DAB1: variants seen among roughly 807,000 people sequenced by gnomAD.
DAB1 encodes DAB adaptor protein 1, also known as disabled homolog 1.
A neutral mutation model predicts 64.6 loss-of-function variants in DAB1; 15 were observed. That is an observed-to-expected ratio of 0.23 (90% CI 0.16 to 0.36). DAB1 has a LOEUF of 0.36. DAB1 is among the 10% of genes least tolerant of loss of function. The pLI, the probability that DAB1 is intolerant of heterozygous loss-of-function variation, is 1.00. For missense variants in DAB1, 596 were observed against 706.7 expected, an observed-to-expected ratio of 0.84 and a Z score of 1.78; for synonymous variants, 235 against 251.9, an observed-to-expected ratio of 0.93 and a Z score of 0.64.
chr1:57,136,579 G>C lies in DAB1; in HGVS notation c.270C>G (p.Ser90=). 6.5e-7 allele frequency: 1 copy of C among 1,545,574 alleles called. No individual in the cohort carries two copies. Among genetic ancestry groups the C allele is most frequent in the Non-Finnish European group, 8.8e-7 (1 of 1,132,012 alleles). Residue 90 remains serine, a synonymous_variant, in exon 4 of 15, where the codon TCC becomes TCG. Coordinates refer to ENST00000371236, the MANE Select transcript of DAB1 (RefSeq NM_001365792.1). ...EHKQKIFLTI[S]FGGIKIFDEK... ...CATCAAAGATTTTGATTCCTCCAAA[G>C]GAGATGGTTAAAAAGATTTTCTGTT...
At chr1:57,253,981 A>G (rs1037619470) in intron 2 of DAB1, among the ~76,000 whole-genome samples, 12 of 152,202 alleles carry the variant, frequency 7.9e-5, no homozygotes, top group African/African-American at 2.9e-4. Flanking sequence ...CAAATTGCCA[A>G]TTTATGCACA....
chr1:58,190,877 G>C (rs1420974736), intron 4 of DAB1, among the ~76,000 whole-genome samples: 1 of 152,222 alleles, frequency 6.6e-6, no homozygotes, highest in African/African-American at 2.4e-5. Flanking sequence ...TGTTCTAGCT[G>C]ATGAGACTGT....
chr1:58,221,456 C>T (rs188682446), intron 4 of DAB1, among the ~76,000 whole-genome samples: 238 of 152,312 alleles, frequency 1.6e-3, no homozygotes, highest in African/African-American at 5.4e-3. Flanking sequence ...CAGTCACTGG[C>T]ACATGCTTGC....
rs1230336121 is a variant in DAB1, at chr1:58,377,780, A to C, written n.258-34377T>G. Among the ~76,000 whole-genome samples, 7 of 138,444 alleles carry C rather than the reference A, an allele frequency of 5.1e-5. 3 individuals carry two copies. The highest frequency in any genetic ancestry group is 8.0e-5 in the Non-Finnish European group (5 of 62,216). 90.8% of individuals were successfully genotyped at this position (138,444 alleles called of 152,430 possible). On this transcript the variant is annotated intron_variant and non_coding_transcript_variant, in intron 3 of 20. Transcript: ENST00000485760. Reference sequence around the variant, plus strand: ...GATAATATCCTGCAGAGTGTTTTCCAACTTGGTTCCATTCTCCGCATCACT... The same window carrying C: ...GATAATATCCTGCAGAGTGTTTTCCCACTTGGTTCCATTCTCCGCATCACT...
intron 5 of DAB1, among the ~76,000 whole-genome samples, chr1:57,897,716 C>G (rs1267393392): frequency 6.6e-6 from 1 of 152,082 alleles, no homozygotes; most frequent in Non-Finnish European, 1.5e-5. Flanking sequence ...GTAGGCATTT[C>G]TCACTCCTTG....
At chr1:57,102,114 C>T (rs556535998) in intron 4 of DAB1, among the ~76,000 whole-genome samples, 4 of 152,256 alleles carry the variant, frequency 2.6e-5, no homozygotes, top group African/African-American at 9.6e-5. Context: ...CAATGCAGTG[C>T]GGTCTTTGGA....
chr1:58,110,322 A>G (rs980330196), intron 5 of DAB1, among the ~76,000 whole-genome samples: 2 of 152,250 alleles, frequency 1.3e-5, no homozygotes, highest in African/African-American at 4.8e-5. Flanking sequence ...TTTCAACTAA[A>G]AGTGTCTTCA....
At chr1:58,160,650 T>C (rs988944961) in intron 4 of DAB1, among the ~76,000 whole-genome samples, 16 of 152,296 alleles carry the variant, frequency 1.1e-4, no homozygotes, top group African/African-American at 3.4e-4. Flanking sequence ...AGTACAGCAT[T>C]TGCTCTTAAA....
chr1:57,349,460 T>C (rs1223981320), intron 1 of DAB1, among the ~76,000 whole-genome samples: 13 of 152,252 alleles, frequency 8.5e-5, no homozygotes, highest in Non-Finnish European at 4.4e-5. Flanking sequence ...CTCGAAGCCA[T>C]ATTTATAAAA....
intron 2 of DAB1, among the ~76,000 whole-genome samples, chr1:57,274,806 T>C (rs1041936697): frequency 1.3e-5 from 2 of 152,048 alleles, no homozygotes; most frequent in African/African-American, 4.8e-5. Context: ...GGTCTCGAGC[T>C]CCTGACCTCA....
At chr1:57,522,312 A>G (rs1461518336) in intron 7 of DAB1, among the ~76,000 whole-genome samples, 1 of 152,172 alleles carries the variant, frequency 6.6e-6, no homozygotes, top group East Asian at 1.9e-4. Flanking sequence ...TTAGGAGACC[A>G]AAGGTCTATT....
At chr1:57,368,889 G>C (rs191517101) in intron 1 of DAB1, among the ~76,000 whole-genome samples, 60 of 152,190 alleles carry the variant, frequency 3.9e-4, no homozygotes, top group Non-Finnish European at 6.6e-4. Context: ...ACTTACCAAA[G>C]AGGTAATTTC....
chr1:58,106,121 CCTT>C (rs200638912), intron 5 of DAB1, among the ~76,000 whole-genome samples: 1,707 of 150,006 alleles, frequency 0.011, 27 homozygotes, highest in African/African-American at 0.039. Context: ...TTTCTTTCTT[CCTT>C]CTTTTCTTTC....
chr1:58,311,525 A>G (rs111996638), intron 4 of DAB1, among the ~76,000 whole-genome samples: 4 of 152,296 alleles, frequency 2.6e-5, no homozygotes, highest in African/African-American at 7.2e-5. Flanking sequence ...CTAACCAAAG[A>G]CTGAGCATGA....
intron 4 of DAB1, among the ~76,000 whole-genome samples, chr1:57,134,940 C>T (rs868196774): frequency 2.6e-5 from 4 of 152,244 alleles, no homozygotes; most frequent in Middle Eastern, 3.4e-3. Context: ...ATGCCTGGCA[C>T]ATAATATGTA....
chr1:58,061,182 C>T (rs2025617), intron 5 of DAB1, among the ~76,000 whole-genome samples: 73,104 of 152,062 alleles, frequency 0.48, 19,384 homozygotes, highest in Non-Finnish European at 0.59. Flanking sequence ...AATCCACAGG[C>T]TTTCGAATGA....
chr1:57,968,311 C>G (rs1645717816), intron 5 of DAB1, among the ~76,000 whole-genome samples: 1 of 152,118 alleles, frequency 6.6e-6, no homozygotes, highest in South Asian at 2.1e-4. Flanking sequence ...TCTTCCATCC[C>G]TTTTTAATTA....
chr1:58,470,546 G>A (rs1398484576), intron 3 of DAB1, among the ~76,000 whole-genome samples: 1 of 151,266 alleles, frequency 6.6e-6, no homozygotes, highest in African/African-American at 2.5e-5. Context: ...CAATGGTCCA[G>A]GAGCAGCACT....
chr1:57,014,823 G>A (rs983351125), intron 12 of DAB1, 60 bp downstream of exon 12: 57 of 1,409,472 alleles, frequency 4.0e-5, no homozygotes, highest in Middle Eastern at 1.9e-4. Context: ...CAGAAACCCC[G>A]CCTCCAGACA....
Sources: gnomAD v4.1 joint callset for allele counts (sites outside exome capture counted in the v4.1 genomes callset) on GRCh38, gnomAD v4.1.1 for gene constraint, MANE v1.5 for transcripts, NCBI Gene and HGNC (gene_info 2026-07-23, HGNC 2026-07-21) for gene names.